Variants in MEIG1 observed in about 807,000 individuals in gnomAD.
MEIG1 encodes the protein meiosis expressed gene 1 protein homolog.
Under a neutral mutation model 11.3 loss-of-function variants are expected in MEIG1, and 12 were observed. The ratio of observed to expected loss-of-function variants is 1.07; its 90% CI spans 0.68 to 1.73. The LOEUF (loss-of-function observed/expected upper bound fraction) is 1.73. Ranked by LOEUF, MEIG1 falls within the 40% of genes most tolerant of loss-of-function variation. The pLI is 0.00. For synonymous variants in MEIG1, 41 were observed against 33.2 expected (o/e 1.24, Z -0.81); for missense variants, 119 against 104.9 (o/e 1.13, Z -0.59).
chr10:14,970,845 A>C (rs892618217), intron 2 of MEIG1, among the ~76,000 whole-genome samples: 106 of 152,272 alleles, frequency 7.0e-4, no homozygotes, highest in African/African-American at 2.5e-3. Flanking sequence ...GATTTGGAGA[A>C]AGGGTGCAGG....
At chr10:14,965,036 A>G (rs1226743536) in intron 1 of MEIG1, among the ~76,000 whole-genome samples, 3 of 152,034 alleles carry the variant, frequency 2.0e-5, no homozygotes, top group African/African-American at 7.2e-5. Flanking sequence ...TCCTGACTTC[A>G]GTCTCCCCAA....
chr10:14,979,757 T>C (rs1333685241), intron 1 of MEIG1, among the ~76,000 whole-genome samples: 3 of 151,928 alleles, frequency 2.0e-5, no homozygotes, highest in South Asian at 2.1e-4. Flanking sequence ...TGAGGAGATA[T>C]TACTTTAAAA....
At chr10:14,968,573 C>T (rs1341603338) in intron 2 of MEIG1, among the ~76,000 whole-genome samples, 1 of 152,054 alleles carries the variant, frequency 6.6e-6, no homozygotes, top group Non-Finnish European at 1.5e-5. Flanking sequence ...CATGTTATTA[C>T]CTCTTTAATA....
At chr10:14,958,335 CTTTG>C (rs1376049949), upstream of MEIG1, among the ~76,000 whole-genome samples, 1 of 152,070 alleles carries the variant, frequency 6.6e-6, no homozygotes, top group Non-Finnish European at 1.5e-5. Context: ...TAAGTATTGC[CTTTG>C]TTTTAGTATG....
chr10:14,964,083 C>G (rs1374721294), intron 1 of MEIG1, among the ~76,000 whole-genome samples: 2 of 130,140 alleles, frequency 1.5e-5, no homozygotes, highest in Non-Finnish European at 3.1e-5. Flanking sequence ...GGTGACAGAG[C>G]GAGACTCCGT....
At chr10:14,955,629 C>T (rs1030144093), upstream of MEIG1, among the ~76,000 whole-genome samples, 2 of 152,112 alleles carry the variant, frequency 1.3e-5, no homozygotes, top group African/African-American at 4.8e-5. Context: ...ACCTGGGAGG[C>T]GGAGGTTGCA....
intron 2 of MEIG1, among the ~76,000 whole-genome samples, chr10:14,966,818 C>T (rs988075330): frequency 6.6e-6 from 1 of 152,024 alleles, no homozygotes; most frequent in Non-Finnish European, 1.5e-5. Flanking sequence ...TCGGCACACT[C>T]CACCTCCCGG....
chr10:14,974,540 T>C (rs1309928294), downstream of MEIG1, among the ~76,000 whole-genome samples: 1 of 152,128 alleles, frequency 6.6e-6, no homozygotes, highest in Non-Finnish European at 1.5e-5. Flanking sequence ...GATCCCCGTT[T>C]TGGGTCGTAA....
chr10:14,977,452 G>A (rs1843220758), downstream of MEIG1, among the ~76,000 whole-genome samples: 1 of 151,820 alleles, frequency 6.6e-6, no homozygotes, highest in Admixed American at 6.6e-5. Context: ...TTACAGGGAT[G>A]TACACCGTGT....
downstream of MEIG1, among the ~76,000 whole-genome samples, chr10:14,974,276 C>G (rs976419068): frequency 6.6e-6 from 1 of 152,100 alleles, no homozygotes; most frequent in Admixed American, 6.6e-5. Flanking sequence ...TGCTTGGAGC[C>G]CTCTCCGCCT....
chr10:14,981,866 C>G lies in MEIG1; in HGVS notation n.67-4930C>G, dbSNP rs185400448. Among the ~76,000 whole-genome samples the G allele has an allele frequency of 7.4e-3, 1,129 of 152,316 alleles. 9 individuals carry two copies. Among genetic ancestry groups the G allele is most frequent in the Non-Finnish European group, 0.011 (736 of 68,032 alleles). ...CCCTTCCCTTGCTTCTTTGGGGGGA[C>G]CCCTCTGATTGCTGCAGCTAACAAA... On this transcript the variant is annotated intron_variant and non_coding_transcript_variant, in intron 1 of 2. Transcript: ENST00000467536.
intron 2 of MEIG1, among the ~76,000 whole-genome samples, chr10:14,968,905 C>G (rs1843118532): frequency 6.6e-6 from 1 of 151,930 alleles, no homozygotes; most frequent in Non-Finnish European, 1.5e-5. Context: ...ATGGAGAAAC[C>G]CTATCTCTGC....
intron 2 of MEIG1, 145 bp from the exon 3 acceptor site, chr10:14,972,368 A>G: frequency 9.9e-7 from 1 of 1,005,324 alleles, no homozygotes; most frequent in Non-Finnish European, 1.5e-6. Flanking sequence ...TCTTGTGGGT[A>G]TCATACTTTA....
chr10:14,981,909 G>C (rs1190701256), intron 1 of MEIG1, among the ~76,000 whole-genome samples: 4 of 152,130 alleles, frequency 2.6e-5, no homozygotes, highest in Non-Finnish European at 5.9e-5. Context: ...GCGTTTCCCC[G>C]GGCCTGACCT....
Position 14,987,257 on chromosome 10 carries a change from A to G in MEIG1, n.285+243A>G, listed in dbSNP as rs1183593021. ...GCACAGGTTGGAGAGGAAGAAGTAC[A>G]TGGGGGTATGGAGGGGGGAGTCAGA... On this transcript the variant is annotated intron_variant and non_coding_transcript_variant, in intron 2 of 2. Coordinates refer to the MEIG1 transcript ENST00000467536. The G allele has an allele frequency of 3.4e-6, 3 of 879,384 alleles. 1 individual carries two copies. Among genetic ancestry groups the G allele is most frequent in the Non-Finnish European group, 5.7e-6 (3 of 526,828 alleles). 54.5% of individuals were successfully genotyped at this position (879,384 alleles called of 1,614,324 possible).
intron 1 of MEIG1, among the ~76,000 whole-genome samples, chr10:14,984,279 T>C (rs1843296195): frequency 6.6e-6 from 1 of 151,956 alleles, no homozygotes; most frequent in African/African-American, 2.4e-5. Context: ...TACTCCCCGA[T>C]TTTTCCGAGG....
In MEIG1 at chr10:14,972,751, A is replaced by C. The variant is rs1042323894; in HGVS notation, c.*110A>C. The stretch of plus-strand genomic sequence containing the variant: ...AATTCAAGATGCAGTCTGCAGTTTA[A>C]TGTTTTGTGAAACACAAAAGCCATG... On this transcript the variant is annotated 3_prime_UTR_variant, in exon 3 of 3. Transcript: ENST00000407572. 1 of 1,100,738 alleles carries C rather than the reference A, an allele frequency of 9.1e-7. No individual in the cohort carries two copies. Among genetic ancestry groups the C allele is most frequent in the South Asian group, 1.7e-5 (1 of 59,592 alleles). 68.2% of individuals were successfully genotyped at this position (1,100,738 alleles called of 1,614,324 possible).
At chr10:14,984,179 G>A (rs1311154167) in intron 1 of MEIG1, among the ~76,000 whole-genome samples, 2 of 151,762 alleles carry the variant, frequency 1.3e-5, no homozygotes, top group Non-Finnish European at 2.9e-5. Context: ...GGCGGGGAGA[G>A]GGGGGTGCTA....
intron 2 of MEIG1, among the ~76,000 whole-genome samples, chr10:14,966,981 G>A (rs370594882): frequency 6.6e-5 from 10 of 152,234 alleles, no homozygotes; most frequent in Non-Finnish European, 1.3e-4. Flanking sequence ...TGATCCACGC[G>A]CCTAAGCCTT....
Sources: gnomAD v4.1 joint callset for allele counts (sites outside exome capture counted in the v4.1 genomes callset) on GRCh38, gnomAD v4.1.1 for gene constraint, MANE v1.5 for transcripts, NCBI Gene and HGNC (gene_info 2026-07-23, HGNC 2026-07-21) for gene names.